F13A1: variants seen among roughly 807,000 people sequenced by gnomAD.
The protein encoded by F13A1 is coagulation factor XIII A chain.
F13A1 carries 47 observed loss-of-function variants against 80.1 expected under a neutral mutation model. The observed-to-expected ratio is 0.59, with a 90% CI of 0.46 to 0.75. F13A1 has a LOEUF of 0.75. Ranked by LOEUF, F13A1 falls within the 30% of genes least tolerant of loss-of-function variation. The pLI is 0.00. For missense variants in F13A1, 817 were observed against 930.4 expected (o/e 0.88, Z 1.59); for synonymous variants, 349 against 344.9 (o/e 1.01, Z -0.13).
chr6:6,318,778 G>T, intron 1 of F13A1, 96 bp from the exon 2 acceptor site: 1 of 1,305,800 alleles, frequency 7.7e-7, no homozygotes, highest in Non-Finnish European at 1.1e-6. Flanking sequence ...AGATATATCT[G>T]TGTGTGATAG....
At chr6:6,200,748 G>A (rs778629567) in intron 8 of F13A1, among the ~76,000 whole-genome samples, 1 of 152,166 alleles carries the variant, frequency 6.6e-6, no homozygotes, top group Non-Finnish European at 1.5e-5. Flanking sequence ...GTTGCAAGAG[G>A]ATGAGGCTGA....
At chr6:6,279,379 C>G (rs1276617504) in intron 3 of F13A1, among the ~76,000 whole-genome samples, 1 of 152,220 alleles carries the variant, frequency 6.6e-6, no homozygotes, top group Admixed American at 6.5e-5. Flanking sequence ...CCAGATTTCA[C>G]AGTTATAAAC....
At chr6:6,215,210 G>T (rs1359517479) in intron 8 of F13A1, among the ~76,000 whole-genome samples, 4 of 132,396 alleles carry the variant, frequency 3.0e-5, no homozygotes, top group Non-Finnish European at 6.8e-5. Flanking sequence ...TACCAAAGCC[G>T]GGTAGAGACA....
intron 2 of F13A1, among the ~76,000 whole-genome samples, chr6:6,306,701 G>C (rs1042826213): frequency 1.3e-5 from 2 of 152,214 alleles, no homozygotes; most frequent in African/African-American, 4.8e-5. Flanking sequence ...GGGTGCCCTG[G>C]CCTCTTGCCC....
chr6:6,303,846 A>T (rs375571269), intron 3 of F13A1, among the ~76,000 whole-genome samples: 61 of 152,194 alleles, frequency 4.0e-4, no homozygotes, highest in African/African-American at 1.4e-3. Context: ...AAATTTTTTT[A>T]TGTCTATTTC....
intron 6 of F13A1, among the ~76,000 whole-genome samples, chr6:6,236,304 ATCTC>A (rs927269405): frequency 6.6e-6 from 1 of 152,174 alleles, no homozygotes; most frequent in Admixed American, 6.5e-5. Context: ...TGTCAACTAT[ATCTC>A]AATAAAGCTG....
intron 9 of F13A1, among the ~76,000 whole-genome samples, chr6:6,196,890 C>T (rs1036512057): frequency 2.6e-5 from 4 of 152,152 alleles, no homozygotes; most frequent in African/African-American, 9.7e-5. Context: ...CCAGTGCATA[C>T]CACAAAGGGC....
chr6:6,290,482 C>A (rs191045169), intron 3 of F13A1, among the ~76,000 whole-genome samples: 13 of 152,266 alleles, frequency 8.5e-5, no homozygotes, highest in Non-Finnish European at 1.5e-5. Flanking sequence ...TATAGTAGAA[C>A]AATTTTGGGA....
In F13A1 at chr6:6,316,077, GCATATATATATATA is replaced by G. The variant is rs1758676234; in HGVS notation, c.130+2444_130+2457del. Among the ~76,000 whole-genome samples the G allele has an allele frequency of 2.8e-4, 14 of 49,650 alleles. No individual in the cohort carries two copies. In the South Asian group the frequency reaches 4.8e-3, roughly 17 times the overall value. The allele number at this position is 49,650 out of a possible 152,430, so 32.6% of individuals were successfully genotyped here. A position where few individuals can be genotyped will look rare whatever the true frequency, so the allele number is the denominator to read the frequency against. On this transcript the variant is annotated intron_variant, in intron 2 of 14. Coordinates refer to ENST00000264870, the MANE Select transcript of F13A1 (RefSeq NM_000129.4). The stretch of plus-strand genomic sequence containing the variant: ...GGTTTGTGTGCTGCTATGTGTGTGT[GCATATATATATATA>G]TATATATATATATATATATATATAT...
chr6:6,171,223 C>T (rs1435668313), intron 12 of F13A1, among the ~76,000 whole-genome samples: 1 of 152,178 alleles, frequency 6.6e-6, no homozygotes, highest in Non-Finnish European at 1.5e-5. Context: ...CCACTTGGGG[C>T]CAAGTTTACC....
chr6:6,317,054 C>T (rs1055049862), intron 2 of F13A1, among the ~76,000 whole-genome samples: 24 of 152,262 alleles, frequency 1.6e-4, no homozygotes, highest in African/African-American at 5.8e-4. Flanking sequence ...TCTTACTGCC[C>T]ACTTCTTCCA....
rs376491562 is a variant in F13A1, at chr6:6,248,459, C to T, written c.691-40G>A. 14 of 1,498,002 alleles carry T rather than the reference C, an allele frequency of 9.3e-6. No homozygotes were observed. In the African/African-American group the frequency reaches 1.5e-4, roughly 16 times the overall value. The allele number at this position is 1,498,002 out of a possible 1,614,324, so 92.8% of individuals were successfully genotyped here. On this transcript the variant is annotated intron_variant, in intron 5 of 14. Coordinates refer to ENST00000264870, the MANE Select transcript of F13A1 (RefSeq NM_000129.4). Reference sequence around the variant, plus strand: ...AAAAACAAAGAGAAACTAGTGTTCACTCTGCAAGCAAAATATTCTCTGATG... The same window carrying T: ...AAAAACAAAGAGAAACTAGTGTTCATTCTGCAAGCAAAATATTCTCTGATG...
intron 3 of F13A1, among the ~76,000 whole-genome samples, chr6:6,281,622 A>G (rs1457101872): frequency 6.6e-6 from 1 of 152,240 alleles, no homozygotes; most frequent in Non-Finnish European, 1.5e-5. Flanking sequence ...CAACAGCAAC[A>G]TAAAACTAAT....
intron 13 of F13A1, among the ~76,000 whole-genome samples, chr6:6,163,022 C>T (rs1760600573): frequency 6.6e-6 from 1 of 152,184 alleles, no homozygotes; most frequent in Non-Finnish European, 1.5e-5. Flanking sequence ...TAATGTAGTG[C>T]TTAATAAATC....
At chr6:6,193,053 T>C (rs1165658964) in intron 10 of F13A1, among the ~76,000 whole-genome samples, 1 of 152,074 alleles carries the variant, frequency 6.6e-6, no homozygotes, top group Non-Finnish European at 1.5e-5. Context: ...GATAGGCAGA[T>C]GGGGCTTCAG....
intron 12 of F13A1, among the ~76,000 whole-genome samples, chr6:6,171,916 AAAT>A (rs899225939): frequency 2.6e-5 from 4 of 152,116 alleles, no homozygotes; most frequent in Non-Finnish European, 5.9e-5. Flanking sequence ...GGTCTCTGTT[AAAT>A]GTCACCCCAT....
At chr6:6,305,281 GTGCCT>G (rs772590780) in intron 3 of F13A1, 65 bp downstream of exon 3, 7 of 1,539,976 alleles carry the variant, frequency 4.5e-6, no homozygotes, top group Non-Finnish European at 6.3e-6. Flanking sequence ...TCACACAACT[GTGCCT>G]GTACCCACCT....
At chr6:6,303,139 GATTCTCT>G (rs1758459574) in intron 3 of F13A1, among the ~76,000 whole-genome samples, 1 of 152,070 alleles carries the variant, frequency 6.6e-6, no homozygotes, top group Non-Finnish European at 1.5e-5. Flanking sequence ...TCCATTTCTG[GATTCTCT>G]ATTATGTCCT....
intron 3 of F13A1, among the ~76,000 whole-genome samples, chr6:6,280,877 TG>T (rs1346516902): frequency 6.6e-6 from 1 of 152,210 alleles, no homozygotes; most frequent in African/African-American, 2.4e-5. Flanking sequence ...TCCAGTGCTT[TG>T]GAAAGTGGCA....
Sources: allele counts gnomAD v4.1 joint callset (sites outside exome capture counted in the v4.1 genomes callset), GRCh38; gene constraint gnomAD v4.1.1; transcripts MANE v1.5; gene names NCBI Gene and HGNC (gene_info 2026-07-23, HGNC 2026-07-21).